Variants in CSMD3 observed in about 807,000 individuals in gnomAD.
CSMD3 encodes the protein CUB and Sushi multiple domains 3.
In CSMD3, 177 loss-of-function variants were observed where a neutral mutation model predicts 435.2. The ratio of observed to expected loss-of-function variants is 0.41; its 90% CI spans 0.36 to 0.46. The LOEUF (loss-of-function observed/expected upper bound fraction) is 0.46. Among genes scored for constraint, CSMD3 ranks in the 20% least tolerant of loss-of-function variants. The probability of loss-of-function intolerance (pLI) is 0.34; values close to 1 mark genes in which losing one functional copy is unlikely to be tolerated. For synonymous variants in CSMD3, 1,656 were observed against 1,520.5 expected (o/e 1.09, Z -2.07); for missense variants, 4,265 against 4,504.6 (o/e 0.95, Z 1.52).
intron 11 of CSMD3, among the ~76,000 whole-genome samples, chr8:112,849,178 T>C (rs1046438557): frequency 6.6e-6 from 1 of 152,122 alleles, no homozygotes; most frequent in African/African-American, 2.4e-5. Context: ...TTATTCTCTA[T>C]GAATTATATT....
intron 22 of CSMD3, among the ~76,000 whole-genome samples, chr8:112,603,925 G>A (rs1832584877): frequency 6.6e-6 from 1 of 152,016 alleles, no homozygotes; most frequent in Admixed American, 6.6e-5. Context: ...ATAAAACCAG[G>A]TAAGAAGTTA....
At chr8:113,170,002 T>C (rs955569711) in intron 4 of CSMD3, among the ~76,000 whole-genome samples, 3 of 152,122 alleles carry the variant, frequency 2.0e-5, no homozygotes, top group African/African-American at 7.2e-5. Flanking sequence ...CCATACCCTC[T>C]AGGTTGATGT....
intron 22 of CSMD3, among the ~76,000 whole-genome samples, chr8:112,613,887 C>T (rs1055820243): frequency 2.6e-4 from 40 of 152,078 alleles, no homozygotes; most frequent in African/African-American, 9.7e-4. Context: ...CTTTGGGAGT[C>T]CAAGGTCGGA....
chr8:112,608,901 A>G (rs572724377), intron 22 of CSMD3, among the ~76,000 whole-genome samples: 37 of 152,052 alleles, frequency 2.4e-4, no homozygotes, highest in Non-Finnish European at 4.9e-4. Flanking sequence ...CTTCTAATAG[A>G]AAACAGAAAA....
chr8:112,812,138 A>T (rs1242753309), intron 12 of CSMD3, among the ~76,000 whole-genome samples: 2 of 152,184 alleles, frequency 1.3e-5, no homozygotes, highest in Non-Finnish European at 2.9e-5. Flanking sequence ...AGCCAGCAGG[A>T]GGGAAAGGCA....
rs767227572 is a variant in CSMD3, at chr8:112,975,825, A to G, written c.1342+12T>C. ...GTAACTAAATGGGCACAAGTAAAAT[A>G]ACATCCAATACCTCTATGAGTAACA... On this transcript the variant is annotated intron_variant, in intron 7 of 70. Transcript: ENST00000297405. 8 of 1,612,428 alleles carry G rather than the reference A, an allele frequency of 5.0e-6. No homozygotes were observed. In the African/African-American group the frequency reaches 1.1e-4, roughly 22 times the overall value.
intron 16 of CSMD3, among the ~76,000 whole-genome samples, chr8:112,672,454 C>T (rs1349546017): frequency 1.3e-5 from 2 of 152,028 alleles, no homozygotes; most frequent in East Asian, 3.9e-4. Context: ...CTGTATTGTA[C>T]TTCTAATAGT....
intron 20 of CSMD3, among the ~76,000 whole-genome samples, chr8:112,639,793 C>G (rs1196463556): frequency 6.6e-6 from 1 of 152,066 alleles, no homozygotes; most frequent in Non-Finnish European, 1.5e-5. Context: ...GTATGGCATT[C>G]CACCTTGTGA....
chr8:112,243,174 G>T (rs1017604476), intron 65 of CSMD3, among the ~76,000 whole-genome samples: 1 of 151,602 alleles, frequency 6.6e-6, no homozygotes, highest in African/African-American at 2.4e-5. Flanking sequence ...AGTGGAAGCA[G>T]ATAATTACAA....
intron 13 of CSMD3, among the ~76,000 whole-genome samples, chr8:112,790,442 A>T (rs1039398619): frequency 6.6e-6 from 1 of 152,104 alleles, no homozygotes; most frequent in African/African-American, 2.4e-5. Context: ...TTCCTCACAA[A>T]AGAGCAAGTC....
At chr8:113,297,431 C>T (rs919418258) in intron 2 of CSMD3, among the ~76,000 whole-genome samples, 4 of 151,894 alleles carry the variant, frequency 2.6e-5, no homozygotes, top group Non-Finnish European at 5.9e-5. Flanking sequence ...ACCACGAGAA[C>T]TGAAATATGA....
intron 24 of CSMD3, among the ~76,000 whole-genome samples, chr8:112,567,820 A>T (rs1198451075): frequency 6.6e-6 from 1 of 152,140 alleles, no homozygotes; most frequent in Non-Finnish European, 1.5e-5. Context: ...CAACTCTAGA[A>T]GGAAGTAGTA....
chr8:113,281,414 A>T (rs2093612039), intron 2 of CSMD3, among the ~76,000 whole-genome samples: 1 of 151,938 alleles, frequency 6.6e-6, no homozygotes, highest in African/African-American at 2.4e-5. Context: ...TTTTACCATC[A>T]TATAATGTTC....
At chr8:112,911,127 C>T (rs976721806) in intron 10 of CSMD3, among the ~76,000 whole-genome samples, 2 of 151,774 alleles carry the variant, frequency 1.3e-5, no homozygotes, top group East Asian at 1.9e-4. Context: ...TTATCATTCA[C>T]TTAATCTAAA....
At chr8:112,236,868 C>T (rs1813636162) in intron 67 of CSMD3, among the ~76,000 whole-genome samples, 1 of 151,970 alleles carries the variant, frequency 6.6e-6, no homozygotes, top group African/African-American at 2.4e-5. Context: ...GATTTGGTCT[C>T]CGTGGTTTTA....
At chr8:112,578,137 A>G (rs1384222189) in intron 23 of CSMD3, among the ~76,000 whole-genome samples, 3 of 152,052 alleles carry the variant, frequency 2.0e-5, no homozygotes, top group Non-Finnish European at 2.9e-5. Flanking sequence ...ATGGTCAATC[A>G]AAAAAGTCTC....
intron 6 of CSMD3, among the ~76,000 whole-genome samples, chr8:113,005,688 T>C (rs192683325): frequency 1.6e-4 from 25 of 152,134 alleles, no homozygotes; most frequent in African/African-American, 5.8e-4. Context: ...ATTCAGCAAT[T>C]TTTATATAAT....
At chr8:112,969,224 TATAA>T (rs2084547050) in intron 7 of CSMD3, among the ~76,000 whole-genome samples, 1 of 151,986 alleles carries the variant, frequency 6.6e-6, no homozygotes, top group Non-Finnish European at 1.5e-5. Flanking sequence ...TGTTGAGCCT[TATAA>T]ATATTCAGAT....
chr8:112,684,280 G>T (rs990412583), intron 15 of CSMD3, among the ~76,000 whole-genome samples: 14 of 151,850 alleles, frequency 9.2e-5, no homozygotes, highest in African/African-American at 3.1e-4. Flanking sequence ...ACATGTCACC[G>T]CTAATTTAAC....
Sources: allele counts gnomAD v4.1 joint callset (sites outside exome capture counted in the v4.1 genomes callset), GRCh38; gene constraint gnomAD v4.1.1; transcripts MANE v1.5; gene names NCBI Gene and HGNC (gene_info 2026-07-23, HGNC 2026-07-21).